The following AHCTF1 variants were observed in gnomAD, a reference collection of about 807,000 sequenced individuals.
The protein encoded by AHCTF1 is protein ELYS.
AHCTF1 carries 24 observed loss-of-function variants against 248.4 expected under a neutral mutation model. That is an observed-to-expected ratio of 0.10 (90% CI 0.07 to 0.14). The LOEUF is 0.14. Ranked by LOEUF, AHCTF1 falls within the 10% of genes least tolerant of loss-of-function variation. The pLI, the probability that AHCTF1 is intolerant of heterozygous loss-of-function variation, is 1.00. For synonymous variants in AHCTF1, 786 were observed against 929.8 expected, an observed-to-expected ratio of 0.85 and a Z score of 2.81; for missense variants, 2,206 against 2,636.2, an observed-to-expected ratio of 0.84 and a Z score of 3.57.
At chr1:246,883,921 A>G (rs1329362580) in intron 21 of AHCTF1, among the ~76,000 whole-genome samples, 1 of 152,210 alleles carries the variant, frequency 6.6e-6, no homozygotes, top group Non-Finnish European at 1.5e-5. Context: ...TGGATGAATT[A>G]AAGAAGGACA....
In AHCTF1 at chr1:246,888,374, G is replaced by GCA. The variant is rs1663977145; in HGVS notation, c.2268+18_2268+19dup. The GCA allele has an allele frequency of 6.2e-7, 1 of 1,612,666 alleles. No individual in the cohort carries two copies. Among genetic ancestry groups the GCA allele is most frequent in the African/African-American group, 1.3e-5 (1 of 74,956 alleles). ...CCAGCTTTGTAGACTCTAAATGATAGCACATTACTGCAAACCTACATGCAG... is the reference window on the plus strand; with the variant it reads ...CCAGCTTTGTAGACTCTAAATGATAGCACACATTACTGCAAACCTACATGCAG... On this transcript the variant is annotated intron_variant, in intron 18 of 35. Transcript: ENST00000648844.
At chr1:246,881,817 A>G (rs11585741) in intron 21 of AHCTF1, among the ~76,000 whole-genome samples, 86,042 of 142,236 alleles carry the variant, frequency 0.6, 28,562 homozygotes, top group African/African-American at 0.9. Flanking sequence ...CAGCCTGGGT[A>G]ACAGAGCAAG....
At chr1:246,877,700 T>G (rs1269978249) in intron 21 of AHCTF1, among the ~76,000 whole-genome samples, 1 of 152,168 alleles carries the variant, frequency 6.6e-6, no homozygotes, top group Non-Finnish European at 1.5e-5. Flanking sequence ...AAGCACGCTG[T>G]GTCCATGAGG....
At chr1:246,888,705 T>C (rs1375801660) in intron 17 of AHCTF1, among the ~76,000 whole-genome samples, 188 bp from the exon 18 acceptor site, 1 of 151,852 alleles carries the variant, frequency 6.6e-6, no homozygotes, top group African/African-American at 2.4e-5. Flanking sequence ...AGGTCAGGAG[T>C]TCGAGACCAG....
intron 23 of AHCTF1, among the ~76,000 whole-genome samples, chr1:246,876,631 C>A (rs1160812742): frequency 6.6e-6 from 1 of 152,172 alleles, no homozygotes; most frequent in Non-Finnish European, 1.5e-5. Context: ...TTACTGCTGG[C>A]CTCTACGTCT....
intron 1 of AHCTF1, among the ~76,000 whole-genome samples, chr1:246,921,307 T>G (rs1032784266): frequency 1.3e-5 from 2 of 152,102 alleles, no homozygotes; most frequent in African/African-American, 2.4e-5. Context: ...TCTGAAGTAG[T>G]GGTAATGTTC....
At chr1:246,861,327 T>C (rs777497040) in intron 28 of AHCTF1, 32 bp from the exon 29 acceptor site, 2 of 1,552,306 alleles carry the variant, frequency 1.3e-6, no homozygotes, top group Non-Finnish European at 1.8e-6. Context: ...AGAAAAAAAT[T>C]AGTAAATATC....
At chr1:246,887,465 CCTGTTTT>C in intron 19 of AHCTF1, 108 bp from the exon 20 acceptor site, 1 of 1,145,780 alleles carries the variant, frequency 8.7e-7, no homozygotes, top group Non-Finnish European at 1.2e-6. Flanking sequence ...ACTTGAAATG[CCTGTTTT>C]TAGTGTTTAG....
At chr1:246,886,649 T>C (rs1663838735) in intron 20 of AHCTF1, among the ~76,000 whole-genome samples, 2 of 152,080 alleles carry the variant, frequency 1.3e-5, no homozygotes, top group Non-Finnish European at 2.9e-5. Flanking sequence ...GTAGAATCCA[T>C]GGACACAGAG....
At chr1:246,875,086 G>T (rs1329891931) in intron 24 of AHCTF1, among the ~76,000 whole-genome samples, 1 of 152,152 alleles carries the variant, frequency 6.6e-6, no homozygotes, top group Non-Finnish European at 1.5e-5. Flanking sequence ...CCACCATACT[G>T]AAGTCTCCAC....
At chr1:246,842,823 AT>A in intron 34 of AHCTF1, 47 bp from the exon 35 acceptor site, 1 of 1,508,046 alleles carries the variant, frequency 6.6e-7, no homozygotes, top group South Asian at 1.1e-5. Flanking sequence ...CACGAATCCA[AT>A]TTTAAAACTT....
chr1:246,887,636 C>T (rs1237975034), intron 19 of AHCTF1, among the ~76,000 whole-genome samples: 1 of 152,098 alleles, frequency 6.6e-6, no homozygotes, highest in Non-Finnish European at 1.5e-5. Context: ...TCAGTAAATA[C>T]AAGAAACAAA....
rs532047442 is a variant in AHCTF1 at position 246,905,913 on chromosome 1, C to T, written c.765-256G>A. 5.3e-5 allele frequency among the ~76,000 whole-genome samples: 8 copies of T among 152,184 alleles called. No individual in the cohort carries two copies. In the South Asian group the frequency reaches 1.5e-3, roughly 28 times the overall value. ...AGTCAAGCGGATGCATTTATGTGTG[C>T]GTGTAACTGGTCCTAAGAGTCATAT... is the stretch of plus-strand genomic sequence containing the variant. On this transcript the variant is annotated intron_variant, in intron 5 of 35. Coordinates refer to ENST00000648844, the MANE Select transcript of AHCTF1 (RefSeq NM_001323342.2).
At chr1:246,887,914 G>C (rs1663940750) in intron 19 of AHCTF1, among the ~76,000 whole-genome samples, 2 of 152,218 alleles carry the variant, frequency 1.3e-5, no homozygotes, top group African/African-American at 2.4e-5. Context: ...TTAACTTTTT[G>C]AGTGTCTTGG....
At chr1:246,896,599 C>A (rs965033393) in intron 12 of AHCTF1, among the ~76,000 whole-genome samples, 1 of 152,070 alleles carries the variant, frequency 6.6e-6, no homozygotes, top group Admixed American at 6.6e-5. Flanking sequence ...TGTTTATGGG[C>A]ATAGAACTTT....
intron 14 of AHCTF1, among the ~76,000 whole-genome samples, chr1:246,892,309 T>C (rs1664265300): frequency 3.2e-5 from 4 of 123,738 alleles, no homozygotes; most frequent in African/African-American, 1.3e-4. Context: ...TACTTTTTTT[T>C]TTTTTTTTTT....
At chr1:246,916,453 C>A in intron 2 of AHCTF1, 58 bp from the exon 3 acceptor site, 2 of 1,455,124 alleles carry the variant, frequency 1.4e-6, no homozygotes, top group Middle Eastern at 1.8e-4. Context: ...CATGCAATAA[C>A]GGTTAGCTCA....
At position 246,904,118 on chromosome 1, in the gene AHCTF1, A is replaced by G. The variant is rs1307481046; in HGVS notation, c.882-85T>C. 4 of 1,168,878 alleles carry G rather than the reference A, an allele frequency of 3.4e-6. No individual in the cohort carries two copies. The East Asian group carries it at 9.8e-5, about 29-fold the overall frequency. 72.4% of individuals were successfully genotyped at this position (1,168,878 alleles called of 1,614,324 possible). On this transcript the variant is annotated intron_variant, in intron 6 of 35. Transcript: ENST00000648844. ...GTCCAAGTAAGTTTAGTTTGCTTGC[A>G]ATGTTGAGTGCATGTGACAAAACTA...
chr1:246,903,047 G>C (rs962345279), intron 7 of AHCTF1, among the ~76,000 whole-genome samples: 3 of 152,142 alleles, frequency 2.0e-5, no homozygotes, highest in Admixed American at 2.0e-4. Flanking sequence ...TAGACTTTTA[G>C]CTTATTGATA....
Sources: allele counts gnomAD v4.1 joint callset (sites outside exome capture counted in the v4.1 genomes callset), GRCh38; gene constraint gnomAD v4.1.1; transcripts MANE v1.5; gene names NCBI Gene and HGNC (gene_info 2026-07-23, HGNC 2026-07-21).